Variants in AGBL4 observed in about 807,000 individuals in gnomAD.
The protein encoded by AGBL4 is cytosolic carboxypeptidase 6.
AGBL4 carries 58 observed loss-of-function variants against 66.4 expected under a neutral mutation model. The ratio of observed to expected loss-of-function variants is 0.87; its 90% CI spans 0.71 to 1.09. The LOEUF (loss-of-function observed/expected upper bound fraction) is 1.09. AGBL4 is among the 50% of genes least tolerant of loss of function. The pLI is 0.00. For missense variants in AGBL4, 579 were observed against 631.0 expected, an observed-to-expected ratio of 0.92 and a Z score of 0.88; for synonymous variants, 234 against 222.9, an observed-to-expected ratio of 1.05 and a Z score of -0.44.
intron 2 of AGBL4, among the ~76,000 whole-genome samples, chr1:49,757,047 C>T (rs1260998229): frequency 1.3e-5 from 2 of 152,080 alleles, no homozygotes; most frequent in Non-Finnish European, 2.9e-5. Context: ...GTGAAGGAAC[C>T]TCATGGGAGG....
At chr1:49,538,059 A>G (rs943309090) in intron 3 of AGBL4, among the ~76,000 whole-genome samples, 5 of 152,246 alleles carry the variant, frequency 3.3e-5, no homozygotes, top group Non-Finnish European at 7.3e-5. Context: ...AGAACTAAAA[A>G]TAGAACTATC....
chr1:48,954,351 C>T (rs1004124158), intron 5 of AGBL4, among the ~76,000 whole-genome samples: 2 of 152,140 alleles, frequency 1.3e-5, no homozygotes, highest in Non-Finnish European at 2.9e-5. Flanking sequence ...CACTTTCTTG[C>T]ACATTATCAA....
chr1:48,744,770 T>A (rs1650464560), intron 6 of AGBL4, among the ~76,000 whole-genome samples: 1 of 152,182 alleles, frequency 6.6e-6, no homozygotes, highest in Non-Finnish European at 1.5e-5. Flanking sequence ...ATGGCCTCCA[T>A]AAGGCCCAGA....
chr1:49,034,856 T>A (rs548266129), intron 5 of AGBL4, among the ~76,000 whole-genome samples: 1 of 152,236 alleles, frequency 6.6e-6, no homozygotes, highest in Admixed American at 6.5e-5. Context: ...TTACCCAGTC[T>A]TGGGTATGTC....
At chr1:49,715,300 CT>C (rs1246102127) in intron 2 of AGBL4, among the ~76,000 whole-genome samples, 3 of 152,028 alleles carry the variant, frequency 2.0e-5, no homozygotes, top group African/African-American at 7.2e-5. Flanking sequence ...TGTACTCATC[CT>C]TTTTTATGGC....
chr1:49,912,859 G>C (rs1571856828), intron 1 of AGBL4, among the ~76,000 whole-genome samples: 1 of 152,186 alleles, frequency 6.6e-6, no homozygotes, highest in East Asian at 1.9e-4. Context: ...ATGTGAAATA[G>C]AGGGAAACAA....
At chr1:49,754,713 A>C (rs1651761545) in intron 2 of AGBL4, among the ~76,000 whole-genome samples, 1 of 152,218 alleles carries the variant, frequency 6.6e-6, no homozygotes, top group Non-Finnish European at 1.5e-5. Context: ...AGCAGAGCTC[A>C]AGCACTGTGC....
In AGBL4 at chr1:48,982,649, C is replaced by T. The variant is rs903722317; in HGVS notation, c.594+62935G>A. 2.6e-5 allele frequency among the ~76,000 whole-genome samples: 4 copies of T among 152,196 alleles called. No homozygotes were observed. In the East Asian group the frequency reaches 7.7e-4, roughly 29 times the overall value. On this transcript the variant is annotated intron_variant, in intron 5 of 13. Coordinates refer to ENST00000371839, the MANE Select transcript of AGBL4 (RefSeq NM_032785.4). ...CAAGTCTTTGCTATTGTGGATAGTG[C>T]CGCAATAAACATACGTGTGCATGTG...
intron 11 of AGBL4, among the ~76,000 whole-genome samples, chr1:48,540,295 A>T (rs1644044732): frequency 6.6e-6 from 1 of 152,208 alleles, no homozygotes; most frequent in Non-Finnish European, 1.5e-5. Context: ...TTCCTGGTAA[A>T]GATTTGTGGC....
In AGBL4 at chr1:49,049,585, A is replaced by C. The variant is rs553277855; in HGVS notation, c.378-3785T>G. On this transcript the variant is annotated intron_variant, in intron 4 of 13. Coordinates refer to ENST00000371839, the MANE Select transcript of AGBL4 (RefSeq NM_032785.4). Reference sequence around the variant, plus strand: ...ACTTATTTATGTAAAAAGCAATGAAAAAAAGGGAAAAAACCTTCTTATCCC... The same window carrying C: ...ACTTATTTATGTAAAAAGCAATGAACAAAAGGGAAAAAACCTTCTTATCCC... 2.0e-3 allele frequency among the ~76,000 whole-genome samples: 309 copies of C among 152,230 alleles called. 1 individual carries two copies. The highest frequency in any genetic ancestry group is 3.0e-3 in the Non-Finnish European group (203 of 68,002).
At chr1:49,976,262 A>G (rs1658543518) in intron 1 of AGBL4, among the ~76,000 whole-genome samples, 1 of 152,164 alleles carries the variant, frequency 6.6e-6, no homozygotes. Context: ...CATCTTTTCT[A>G]TGTTGAAGCA....
intron 2 of AGBL4, among the ~76,000 whole-genome samples, chr1:49,831,352 TTTG>T (rs1256845591): frequency 1.3e-5 from 2 of 152,182 alleles, no homozygotes; most frequent in African/African-American, 4.8e-5. Flanking sequence ...TCCTAGGTAT[TTTG>T]TTCTCTTTGT....
At chr1:49,549,345 T>A (rs1652771630) in intron 3 of AGBL4, among the ~76,000 whole-genome samples, 2 of 152,128 alleles carry the variant, frequency 1.3e-5, no homozygotes, top group African/African-American at 4.8e-5. Flanking sequence ...TGTTCTTATT[T>A]CTCTAGTTCC....
chr1:48,572,230 A>G (rs1484170835), intron 11 of AGBL4, among the ~76,000 whole-genome samples: 4 of 152,184 alleles, frequency 2.6e-5, no homozygotes, highest in Non-Finnish European at 5.9e-5. Flanking sequence ...CCCTCATTCA[A>G]TCCTCAACAT....
At chr1:49,874,962 C>T (rs553366294) in intron 1 of AGBL4, among the ~76,000 whole-genome samples, 2 of 135,502 alleles carry the variant, frequency 1.5e-5, no homozygotes, top group East Asian at 2.3e-4. Flanking sequence ...TCTCCCAATG[C>T]TATCCCTCCC....
chr1:48,627,748 TCTC>T (rs765052085), intron 9 of AGBL4, among the ~76,000 whole-genome samples: 2 of 152,096 alleles, frequency 1.3e-5, no homozygotes, highest in African/African-American at 4.8e-5. Context: ...GGAGGGCCTT[TCTC>T]CTCTAGTAAA....
At chr1:48,632,109 GGA>G (rs1305295234) in intron 9 of AGBL4, among the ~76,000 whole-genome samples, 1 of 152,118 alleles carries the variant, frequency 6.6e-6, no homozygotes, top group Admixed American at 6.5e-5. Context: ...GATTGAGTGA[GGA>G]GAGAGAGAGT....
At chr1:49,864,732 C>A (rs1463377696) in intron 1 of AGBL4, among the ~76,000 whole-genome samples, 2 of 152,154 alleles carry the variant, frequency 1.3e-5, no homozygotes, top group Non-Finnish European at 2.9e-5. Flanking sequence ...TGTGCAGATT[C>A]TTGGCAGTAG....
chr1:48,852,827 A>G (rs1647063465), intron 6 of AGBL4, among the ~76,000 whole-genome samples: 1 of 152,222 alleles, frequency 6.6e-6, no homozygotes, highest in African/African-American at 2.4e-5. Context: ...TGGGAAAAAG[A>G]AAATCCTTGG....
Sources: allele counts gnomAD v4.1 joint callset (sites outside exome capture counted in the v4.1 genomes callset), GRCh38; gene constraint gnomAD v4.1.1; transcripts MANE v1.5; gene names NCBI Gene and HGNC (gene_info 2026-07-23, HGNC 2026-07-21).